Variants in ERAP1 observed in about 807,000 individuals in gnomAD.
The protein encoded by ERAP1 is adipocyte-derived leucine aminopeptidase.
ERAP1 carries 86 observed loss-of-function variants against 103.7 expected under a neutral mutation model. That is an observed-to-expected ratio of 0.83 (90% CI 0.70 to 0.99). The LOEUF is 0.99. Ranked by LOEUF, ERAP1 falls within the 50% of genes least tolerant of loss-of-function variation. The pLI, the probability that ERAP1 is intolerant of heterozygous loss-of-function variation, is 0.00. For missense variants in ERAP1, 1,009 were observed against 1,128.4 expected (o/e 0.89, Z 1.52); for synonymous variants, 398 against 402.4 (o/e 0.99, Z 0.13).
the ERAP1 span, chr5:96,909,463 GT>G: frequency 1.3e-6 from 1 of 799,362 alleles, no homozygotes; most frequent in Non-Finnish European, 2.1e-6. Flanking sequence ...AAGATACACT[GT>G]TTGGGGAAAG....
chr5:96,766,675 C>G (rs1770089102), intron 19 of ERAP1, among the ~76,000 whole-genome samples: 1 of 152,186 alleles, frequency 6.6e-6, no homozygotes, highest in Non-Finnish European at 1.5e-5. Flanking sequence ...CCTTTTGTCT[C>G]CCACATGATA....
chr5:96,891,819 A>T, the ERAP1 span, among the ~76,000 whole-genome samples: 1 of 152,116 alleles, frequency 6.6e-6, no homozygotes, highest in African/African-American at 2.4e-5. Context: ...GACTATAGAG[A>T]TGGCTCCTAA....
At chr5:96,826,552 T>C in the ERAP1 span, among the ~76,000 whole-genome samples, 8 of 152,282 alleles carry the variant, frequency 5.3e-5, no homozygotes, top group African/African-American at 1.4e-4. Context: ...AGGACTTTTT[T>C]GAAAAAAGAG....
chr5:96,909,548 C>G, the ERAP1 span: 1 of 1,568,210 alleles, frequency 6.4e-7, no homozygotes, highest in Admixed American at 1.7e-5. Context: ...CTAAATTTAG[C>G]CTCTCTGTTA....
At chr5:96,881,999 C>T in the ERAP1 span, among the ~76,000 whole-genome samples, 4 of 152,124 alleles carry the variant, frequency 2.6e-5, no homozygotes, top group Non-Finnish European at 5.9e-5. Context: ...AAGTGACTAG[C>T]TGTGTCTACT....
In ERAP1 at chr5:96,783,110, C is replaced by T. The variant is rs768965307; in HGVS notation, c.2226G>A (p.Pro742=). ...AATAGCCTTCTGCCCTCTGTACGCA[C>T]GGCTGATAGTTGTGCACACAGGCGA... is the stretch of plus-strand genomic sequence containing the variant. ...LLLACVHNYQ[P]CVQRAEGYFR... is the part of the protein sequence containing the mutation. Residue 742 remains proline, a synonymous_variant, in exon 15 of 19, where the codon CCG becomes CCA. Coordinates refer to ENST00000443439, the MANE Select transcript of ERAP1 (RefSeq NM_001040458.3). 1.4e-5 allele frequency: 22 copies of T among 1,614,204 alleles called. No individual in the cohort carries two copies. The highest frequency in any genetic ancestry group is 6.6e-5 in the South Asian group (6 of 91,088).
At chr5:96,823,637 T>C in the ERAP1 span, among the ~76,000 whole-genome samples, 1 of 152,176 alleles carries the variant, frequency 6.6e-6, no homozygotes. Flanking sequence ...TGGTGAGAAA[T>C]TCCAAGACCC....
In ERAP1 at chr5:96,803,518, CG is replaced by C; in HGVS notation, c.408del (p.Glu137SerfsTer38). 6.2e-7 allele frequency: 1 copy of C among 1,613,352 alleles called. No individual in the cohort carries two copies. Among genetic ancestry groups the C allele is most frequent in the Non-Finnish European group, 8.5e-7 (1 of 1,179,424 alleles). On this transcript the variant is annotated frameshift_variant, in exon 2 of 19. Coordinates refer to ENST00000443439, the MANE Select transcript of ERAP1 (RefSeq NM_001040458.3). LOFTEE classifies it high-confidence loss of function. ...PRQEQIALLA[P>X]EPLLVGLPYT... Reference sequence around the variant, plus strand: ...TACGGGAGCCCGACAAGGAGGGGCTCGGGAGCCAGCAGTGCAATTTGCTCCT... The same window carrying C: ...TACGGGAGCCCGACAAGGAGGGGCTCGGAGCCAGCAGTGCAATTTGCTCCT...
the ERAP1 span, among the ~76,000 whole-genome samples, chr5:96,815,115 G>A: frequency 1.3e-5 from 2 of 152,286 alleles, no homozygotes; most frequent in African/African-American, 4.8e-5. Flanking sequence ...TGAGTGGTTG[G>A]ATCAGCCAAA....
the ERAP1 span, among the ~76,000 whole-genome samples, chr5:96,883,502 C>G: frequency 6.6e-6 from 1 of 152,178 alleles, no homozygotes. Flanking sequence ...GCTGCGGATC[C>G]TGCTAAGGTC....
the ERAP1 span, among the ~76,000 whole-genome samples, chr5:96,893,506 C>A: frequency 6.6e-6 from 1 of 152,178 alleles, no homozygotes; most frequent in South Asian, 2.1e-4. Context: ...GTGTTTTGAT[C>A]ATGAGTCACC....
the ERAP1 span, chr5:96,873,792 C>A: frequency 3.5e-5 from 7 of 202,118 alleles, no homozygotes; most frequent in Non-Finnish European, 1.0e-5. Context: ...GGGCACTCAG[C>A]AGTTAGAGGG....
chr5:96,846,231 C>T, the ERAP1 span, among the ~76,000 whole-genome samples: 1 of 152,142 alleles, frequency 6.6e-6, no homozygotes, highest in Non-Finnish European at 1.5e-5. Context: ...ATGATCTATC[C>T]TACCCACCAA....
chr5:96,906,299 G>A, the ERAP1 span, among the ~76,000 whole-genome samples: 51 of 151,374 alleles, frequency 3.4e-4, no homozygotes, highest in African/African-American at 1.2e-3. Flanking sequence ...TCTTCTTCAA[G>A]GGCTTTACTC....
chr5:96,782,779 AAT>A (rs1029237754), intron 15 of ERAP1, among the ~76,000 whole-genome samples: 2 of 152,228 alleles, frequency 1.3e-5, no homozygotes, highest in Admixed American at 6.5e-5. Flanking sequence ...GTCACCGTTT[AAT>A]AAGATTTTGC....
the ERAP1 span, among the ~76,000 whole-genome samples, chr5:96,835,384 G>T: frequency 6.0e-4 from 92 of 152,250 alleles, no homozygotes; most frequent in African/African-American, 2.0e-3. Context: ...TTGCTACAAG[G>T]ATCTTAAAAT....
the ERAP1 span, chr5:96,910,080 C>A: frequency 6.3e-4 from 131 of 206,718 alleles, no homozygotes; most frequent in South Asian, 0.012. Flanking sequence ...GCCTGGCCAA[C>A]ATAGTGAAGC....
the ERAP1 span, among the ~76,000 whole-genome samples, chr5:96,906,119 G>C: frequency 2.0e-5 from 3 of 151,808 alleles, no homozygotes; most frequent in Non-Finnish European, 4.4e-5. Context: ...TTCTTTAGTG[G>C]ACAAGACATT....
chr5:96,866,530 G>A, the ERAP1 span, among the ~76,000 whole-genome samples: 8 of 152,242 alleles, frequency 5.3e-5, no homozygotes, highest in Middle Eastern at 3.4e-3. Context: ...CGGTTGATAC[G>A]CCATCCCAGC....
Sources: allele counts gnomAD v4.1 joint callset (sites outside exome capture counted in the v4.1 genomes callset), GRCh38; gene constraint gnomAD v4.1.1; transcripts MANE v1.5; gene names NCBI Gene and HGNC (gene_info 2026-07-23, HGNC 2026-07-21).